Variants in DNAJB1 observed in about 807,000 individuals in gnomAD.
The protein encoded by DNAJB1 is dnaJ homolog subfamily B member 1.
In DNAJB1, 14 loss-of-function variants were observed where a neutral mutation model predicts 24.0. The ratio of observed to expected loss-of-function variants is 0.58; its 90% CI spans 0.39 to 0.91. DNAJB1 has a LOEUF of 0.91. Ranked by LOEUF, DNAJB1 falls within the 40% of genes least tolerant of loss-of-function variation. DNAJB1 has a pLI of 0.00. For synonymous variants in DNAJB1, 262 were observed against 174.4 expected, an observed-to-expected ratio of 1.50 and a Z score of -3.96; for missense variants, 517 against 458.1, an observed-to-expected ratio of 1.13 and a Z score of -1.17.
intron 2 of DNAJB1, among the ~76,000 whole-genome samples, chr19:14,525,957 G>A (rs1002281895): frequency 2.6e-5 from 4 of 152,020 alleles, no homozygotes; most frequent in African/African-American, 4.8e-5. Context: ...CACACCCAGC[G>A]AGCCAGCTCA....
chr19:14,515,586 G>T lies in DNAJB1; in HGVS notation c.*354C>A. 3.7e-6 allele frequency: 1 copy of T among 269,786 alleles called. No individual in the cohort carries two copies. The highest frequency in any genetic ancestry group is 7.1e-6 in the Non-Finnish European group (1 of 141,102). 16.7% of individuals were successfully genotyped at this position (269,786 alleles called of 1,614,324 possible). ...GACTGCAGGTTGACATTATCTACCA[G>T]CCAGAAGCAAAAAGACACAGAGGGA... On this transcript the variant is annotated 3_prime_UTR_variant, in exon 3 of 3. Transcript: ENST00000254322.
At chr19:14,524,672 C>T (rs2146532433) in intron 2 of DNAJB1, among the ~76,000 whole-genome samples, 1 of 150,894 alleles carries the variant, frequency 6.6e-6, no homozygotes, top group South Asian at 2.1e-4. Context: ...ATGGTGAAAC[C>T]CCATCTCTAT....
chr19:14,534,289 T>C (rs2072782443), upstream of DNAJB1, among the ~76,000 whole-genome samples: 1 of 130,594 alleles, frequency 7.7e-6, no homozygotes. Flanking sequence ...CATGCCTGGC[T>C]AATTTTTTGT....
At chr19:14,517,114 G>C in intron 1 of DNAJB1, 68 bp from the exon 2 acceptor site, 2 of 1,505,376 alleles carry the variant, frequency 1.3e-6, no homozygotes, top group Non-Finnish European at 1.8e-6. Flanking sequence ...TCCCTTACAG[G>C]GGGAAACAGC....
At chr19:14,535,570 AT>A (rs2072862188) in intron 1 of DNAJB1, among the ~76,000 whole-genome samples, 1 of 20,464 alleles carries the variant, frequency 4.9e-5, no homozygotes, top group East Asian at 8.5e-4. Flanking sequence ...ATATATATAT[AT>A]ATATATATAT....
upstream of DNAJB1, among the ~76,000 whole-genome samples, chr19:14,533,246 C>T (rs1481183273): frequency 2.0e-5 from 3 of 152,070 alleles, no homozygotes; most frequent in Non-Finnish European, 4.4e-5. Flanking sequence ...CATGATGAAA[C>T]TCCGTCTCTA....
chr19:14,516,745 G>A lies in DNAJB1; in HGVS notation c.513C>T (p.Ser171=). 1.2e-6 allele frequency: 2 copies of A among 1,614,018 alleles called. No individual in the cohort carries two copies. The highest frequency in any genetic ancestry group is 2.2e-5 in the East Asian group (1 of 44,876). ...DPPVTHDLRV[S]LEEIYSGCTK... is the part of the protein sequence containing the mutation. Reference sequence around the variant, plus strand: ...TACAGCCGCTGTAGATCTCTTCAAGGGAGACTCGAAGGTCGTGGGTGACTG... The same window carrying A: ...TACAGCCGCTGTAGATCTCTTCAAGAGAGACTCGAAGGTCGTGGGTGACTG... Residue 171 remains serine (S), a synonymous_variant, in exon 2 of 3, where the codon TCC becomes TCT. Coordinates refer to ENST00000254322, the MANE Select transcript of DNAJB1 (RefSeq NM_006145.3).
chr19:14,516,398 G>A lies in DNAJB1; in HGVS notation c.792+68C>T. 10 of 1,523,156 alleles carry A rather than the reference G, an allele frequency of 6.6e-6. No individual in the cohort carries two copies. The South Asian group carries it at 8.4e-5, about 13-fold the overall frequency. 94.4% of individuals were successfully genotyped at this position (1,523,156 alleles called of 1,614,324 possible). ...CCACACACCCCAACACATTGGTTCA[G>A]CAAATACTAAACTGCTTCAAAAAGC... is the stretch of plus-strand genomic sequence containing the variant. On this transcript the variant is annotated intron_variant, in intron 2 of 2. Coordinates refer to ENST00000254322, the MANE Select transcript of DNAJB1 (RefSeq NM_006145.3).
upstream of DNAJB1, among the ~76,000 whole-genome samples, chr19:14,534,588 AC>A (rs201367074): frequency 6.8e-3 from 1,039 of 152,030 alleles, 12 homozygotes; most frequent in African/African-American, 0.024. Flanking sequence ...GGTGGGTGCC[AC>A]CATGCCCGGC....
At chr19:14,526,107 C>T (rs560725697) in intron 2 of DNAJB1, among the ~76,000 whole-genome samples, 1 of 152,336 alleles carries the variant, frequency 6.6e-6, no homozygotes, top group South Asian at 2.1e-4. Flanking sequence ...CAAATGGTCT[C>T]GGGTTCCCCC....
intron 1 of DNAJB1, among the ~76,000 whole-genome samples, chr19:14,544,342 A>G (rs2073229408): frequency 6.6e-6 from 1 of 152,018 alleles, no homozygotes; most frequent in South Asian, 2.1e-4. Context: ...GGGTCTCTGG[A>G]TACTTGTGGA....
chr19:14,517,372 G>C (rs1599380657), intron 1 of DNAJB1: 2 of 284,732 alleles, frequency 7.0e-6, no homozygotes, highest in South Asian at 9.3e-5. Flanking sequence ...ACATGGTCCA[G>C]GGTCGGCTTT....
intron 1 of DNAJB1, among the ~76,000 whole-genome samples, chr19:14,542,351 T>TTTTTTTTC (rs2073128344): frequency 1.4e-5 from 1 of 71,432 alleles, no homozygotes; most frequent in Non-Finnish European, 2.9e-5. Context: ...CATAGTGTTT[T>TTTTTTTTC]TTTTTTTTTT....
intron 1 of DNAJB1, among the ~76,000 whole-genome samples, chr19:14,559,340 C>T (rs371074379): frequency 6.6e-6 from 1 of 151,858 alleles, no homozygotes; most frequent in African/African-American, 2.4e-5. Flanking sequence ...ACTCCCCATT[C>T]CCCCCGCCCA....
chr19:14,527,818 CAA>C (rs1231383153), intron 1 of DNAJB1: 3 of 152,190 alleles, frequency 2.0e-5, no homozygotes, highest in Non-Finnish European at 2.9e-5. Flanking sequence ...GATCTGGAAA[CAA>C]GAGTAAGGAG....
upstream of DNAJB1, among the ~76,000 whole-genome samples, chr19:14,551,099 T>TCTTG (rs1392381756): frequency 7.3e-5 from 11 of 151,648 alleles, no homozygotes; most frequent in African/African-American, 2.4e-4. Context: ...TGATATGGAG[T>TCTTG]CTTGCTTTGT....
At chr19:14,539,570 A>T (rs1049010203) in intron 1 of DNAJB1, among the ~76,000 whole-genome samples, 1 of 151,968 alleles carries the variant, frequency 6.6e-6, no homozygotes, top group Non-Finnish European at 1.5e-5. Flanking sequence ...TTAGTGTGCC[A>T]TGGCTCAGAA....
rs1400978370 is a variant in DNAJB1 at position 14,515,763 on chromosome 19, C to T, written c.*177G>A. 3.2e-6 allele frequency: 2 copies of T among 620,434 alleles called. No individual in the cohort carries two copies. The highest frequency in any genetic ancestry group is 5.4e-6 in the Non-Finnish European group (2 of 368,626). 38.4% of individuals were successfully genotyped at this position (620,434 alleles called of 1,614,324 possible). On this transcript the variant is annotated 3_prime_UTR_variant, in exon 3 of 3. Transcript: ENST00000254322. ...CCTGATGCCCTATAGCTCGAAAAAC[C>T]ACTGAAGTCTAGTGTGCGACTTTGA...
At chr19:14,559,020 T>A (rs977782158) in intron 1 of DNAJB1, among the ~76,000 whole-genome samples, 1 of 151,786 alleles carries the variant, frequency 6.6e-6, no homozygotes, top group South Asian at 2.1e-4. Context: ...GAGATTGGGG[T>A]GGCAGTGGGG....
Sources: allele counts gnomAD v4.1 joint callset (sites outside exome capture counted in the v4.1 genomes callset), GRCh38; gene constraint gnomAD v4.1.1; transcripts MANE v1.5; gene names NCBI Gene and HGNC (gene_info 2026-07-23, HGNC 2026-07-21).